Variants in COL25A1 observed in about 807,000 individuals in gnomAD.
The protein encoded by COL25A1 is collagen type XXV alpha 1 chain.
A neutral mutation model predicts 128.4 loss-of-function variants in COL25A1; 103 were observed. The ratio of observed to expected loss-of-function variants is 0.80; its 90% CI spans 0.68 to 0.94. COL25A1 has a LOEUF of 0.94. Ranked by LOEUF, COL25A1 falls within the 40% of genes least tolerant of loss-of-function variation. The pLI, the probability that COL25A1 is intolerant of heterozygous loss-of-function variation, is 0.00. For missense variants in COL25A1, 745 were observed against 840.0 expected (o/e 0.89, Z 1.40); for synonymous variants, 279 against 277.2 (o/e 1.01, Z -0.06).
At chr4:108,823,904 C>A in intron 35 of COL25A1, 1 of 1,368,656 alleles carries the variant, frequency 7.3e-7, no homozygotes, top group South Asian at 1.9e-5. Context: ...TTTATTTTTC[C>A]ATAAATTGGT....
chr4:108,907,356 G>T (rs1743658041), intron 13 of COL25A1, among the ~76,000 whole-genome samples: 1 of 152,114 alleles, frequency 6.6e-6, no homozygotes, highest in Admixed American at 6.5e-5. Flanking sequence ...TCCATGTACT[G>T]CTCATCTCTT....
intron 3 of COL25A1, among the ~76,000 whole-genome samples, chr4:109,068,250 A>C (rs2125978597): frequency 6.6e-6 from 1 of 152,312 alleles, no homozygotes; most frequent in South Asian, 2.1e-4. Flanking sequence ...AACTCAACAC[A>C]ACATTGGATT....
Position 109,231,112 on chromosome 4 carries a change from G to C in COL25A1, c.367+69471C>G, listed in dbSNP as rs192755968. 1.2e-3 allele frequency among the ~76,000 whole-genome samples: 184 copies of C among 152,112 alleles called. 2 individuals are homozygous for C. The highest frequency in any genetic ancestry group is 4.1e-3 in the African/African-American group (169 of 41,502). ...CGAGATAGAGTGCCACTGCACTCCA[G>C]CCTGGGAACAGAAGCGAGACTCCAT... On this transcript the variant is annotated intron_variant, in intron 3 of 37. Transcript: ENST00000399132.
At chr4:108,907,180 G>A (rs1382827954) in intron 13 of COL25A1, among the ~76,000 whole-genome samples, 2 of 152,162 alleles carry the variant, frequency 1.3e-5, no homozygotes, top group South Asian at 2.1e-4. Flanking sequence ...AGGCGAGTGC[G>A]AGTTAGAAGA....
At chr4:109,195,821 C>A (rs369662804) in intron 3 of COL25A1, among the ~76,000 whole-genome samples, 44 of 152,164 alleles carry the variant, frequency 2.9e-4, no homozygotes, top group African/African-American at 1.0e-3. Context: ...GGAAACAAAT[C>A]CATAACAAGA....
chr4:108,842,465 T>C (rs944295848), intron 30 of COL25A1, among the ~76,000 whole-genome samples: 1 of 152,184 alleles, frequency 6.6e-6, no homozygotes, highest in Non-Finnish European at 1.5e-5. Context: ...AAGGTTACTG[T>C]GGATTGCTGT....
intron 18 of COL25A1, among the ~76,000 whole-genome samples, chr4:108,886,935 T>C (rs994223070): frequency 1.3e-5 from 2 of 152,124 alleles, no homozygotes; most frequent in Non-Finnish European, 1.5e-5. Context: ...GCCCTTCTGA[T>C]AGGAGATCAA....
At chr4:109,077,243 G>A (rs1264104325) in intron 3 of COL25A1, among the ~76,000 whole-genome samples, 1 of 152,158 alleles carries the variant, frequency 6.6e-6, no homozygotes, top group Non-Finnish European at 1.5e-5. Flanking sequence ...TAAACTTTTA[G>A]AATGGAAACA....
At chr4:109,016,816 G>A (rs1024235525) in intron 5 of COL25A1, among the ~76,000 whole-genome samples, 1 of 152,204 alleles carries the variant, frequency 6.6e-6, no homozygotes, top group Non-Finnish European at 1.5e-5. Flanking sequence ...GAGCTGTTCT[G>A]TTGCTTAATA....
intron 8 of COL25A1, among the ~76,000 whole-genome samples, chr4:108,945,112 T>G (rs961652638): frequency 1.3e-5 from 2 of 152,174 alleles, no homozygotes; most frequent in Non-Finnish European, 2.9e-5. Context: ...AAAGCAATAA[T>G]AAATATGGTA....
chr4:109,276,513 A>ATT (rs1722866000), intron 3 of COL25A1, among the ~76,000 whole-genome samples: 1 of 152,112 alleles, frequency 6.6e-6, no homozygotes, highest in African/African-American at 2.4e-5. Flanking sequence ...TTTGGGGGGA[A>ATT]ATCTTACAAA....
At chr4:109,266,434 A>G (rs77499896) in intron 3 of COL25A1, among the ~76,000 whole-genome samples, 1 of 152,194 alleles carries the variant, frequency 6.6e-6, no homozygotes, top group African/African-American at 2.4e-5. Context: ...GCCAATATCA[A>G]TCTCATGCCT....
At chr4:108,968,152 G>A (rs577568907) in intron 8 of COL25A1, among the ~76,000 whole-genome samples, 5 of 152,228 alleles carry the variant, frequency 3.3e-5, no homozygotes, top group South Asian at 2.1e-4. Flanking sequence ...TCAGTGCCTC[G>A]TAGAATAAAA....
intron 3 of COL25A1, among the ~76,000 whole-genome samples, chr4:109,240,933 G>C (rs979534026): frequency 1.0e-5 from 1 of 99,388 alleles, no homozygotes; most frequent in African/African-American, 6.6e-5. Flanking sequence ...ACAATGGAGA[G>C]TACAAAATAA....
rs201120690 is a variant in COL25A1, at chr4:108,954,956, TA to T, written c.493-13520del. Among the ~76,000 whole-genome samples the T allele has an allele frequency of 2.3e-3, 351 of 149,650 alleles. 3 individuals carry two copies. Among genetic ancestry groups the T allele is most frequent in the African/African-American group, 6.7e-3 (273 of 40,446 alleles). Reference sequence around the variant, plus strand: ...TGTATGTTATAAATCTTTTTTTTTTTAAAATGGGTCTTCGATTTCAGTACCC... The same window carrying T: ...TGTATGTTATAAATCTTTTTTTTTTTAAATGGGTCTTCGATTTCAGTACCC... On this transcript the variant is annotated intron_variant, in intron 8 of 37. Coordinates refer to ENST00000399132, the MANE Select transcript of COL25A1 (RefSeq NM_198721.4).
At chr4:108,918,535 C>T (rs1297289599) in intron 12 of COL25A1, among the ~76,000 whole-genome samples, 1 of 152,170 alleles carries the variant, frequency 6.6e-6, no homozygotes, top group Non-Finnish European at 1.5e-5. Flanking sequence ...AATAAATAGG[C>T]TTAGTTCCAT....
At chr4:108,922,919 G>A (rs1251759646) in intron 11 of COL25A1, among the ~76,000 whole-genome samples, 1 of 152,128 alleles carries the variant, frequency 6.6e-6, no homozygotes, top group Admixed American at 6.6e-5. Flanking sequence ...CTCTCTGGCA[G>A]GAAAAATGGT....
At chr4:109,029,299 T>A (rs769337646) in intron 5 of COL25A1, among the ~76,000 whole-genome samples, 1 of 152,126 alleles carries the variant, frequency 6.6e-6, no homozygotes, top group Non-Finnish European at 1.5e-5. Flanking sequence ...TCCCGCCCAA[T>A]ACATGAATCA....
intron 6 of COL25A1, among the ~76,000 whole-genome samples, chr4:108,985,940 T>C (rs565809956): frequency 6.6e-6 from 1 of 152,250 alleles, no homozygotes; most frequent in Non-Finnish European, 1.5e-5. Context: ...TCTCAATTTC[T>C]GTTGCAAGCC....
Sources: gnomAD v4.1 joint callset for allele counts (sites outside exome capture counted in the v4.1 genomes callset) on GRCh38, gnomAD v4.1.1 for gene constraint, MANE v1.5 for transcripts, NCBI Gene and HGNC (gene_info 2026-07-23, HGNC 2026-07-21) for gene names.